PRDM2: variants seen among roughly 807,000 people sequenced by gnomAD.
The protein encoded by PRDM2 is PR domain zinc finger protein 2.
A neutral mutation model predicts 130.0 loss-of-function variants in PRDM2; 30 were observed. That is an observed-to-expected ratio of 0.23 (90% CI 0.17 to 0.31). PRDM2 has a LOEUF of 0.31. Among genes scored for constraint, PRDM2 ranks in the 10% least tolerant of loss-of-function variants. The probability of loss-of-function intolerance (pLI) is 1.00; values close to 1 mark genes in which losing one functional copy is unlikely to be tolerated. For synonymous variants in PRDM2, 871 were observed against 782.4 expected, an observed-to-expected ratio of 1.11 and a Z score of -1.89; for missense variants, 2,011 against 2,108.4, an observed-to-expected ratio of 0.95 and a Z score of 0.90.
At chr1:13,748,022 G>T (rs1332120208) in intron 5 of PRDM2, among the ~76,000 whole-genome samples, 4 of 152,122 alleles carry the variant, frequency 2.6e-5, no homozygotes, top group African/African-American at 9.7e-5. Context: ...TTTCAGTTTT[G>T]AGAACTGGTT....
intron 8 of PRDM2, among the ~76,000 whole-genome samples, chr1:13,797,615 G>A (rs2281169): frequency 0.36 from 54,661 of 152,088 alleles, 10,233 homozygotes; most frequent in East Asian, 0.58. Flanking sequence ...TTTGGTTTGC[G>A]TTGTTAATTA....
chr1:13,778,323 T>C (rs11579363), intron 7 of PRDM2, 95 bp from the exon 8 acceptor site: 43,816 of 1,244,494 alleles, frequency 0.035, 979 homozygotes, highest in Middle Eastern at 0.12. Context: ...ATGTTTTAGG[T>C]GGTAAGAGAA....
chr1:13,802,988 A>G (rs1186575450), intron 8 of PRDM2, among the ~76,000 whole-genome samples: 4 of 152,156 alleles, frequency 2.6e-5, no homozygotes, highest in Admixed American at 2.6e-4. Context: ...CCGCTCCTCC[A>G]CCCTGCTGGG....
In PRDM2 at chr1:13,792,791, C is replaced by T. The variant is rs867376891; in HGVS notation, c.5036+9960C>T. On this transcript the variant is annotated intron_variant, in intron 8 of 9. Transcript: ENST00000311066. ...CCTGGAGTGTCACTGGCCTTTCCAG[C>T]GCGTGGGGCACCTTTCTGAGTGCTT... 4.6e-5 allele frequency among the ~76,000 whole-genome samples: 7 copies of T among 152,312 alleles called. No individual in the cohort carries two copies. In the East Asian group the frequency reaches 5.8e-4, roughly 13 times the overall value.
At chr1:13,749,330 G>A (rs747544897) in intron 5 of PRDM2, 31 bp from the exon 6 acceptor site, 34 of 1,436,032 alleles carry the variant, frequency 2.4e-5, no homozygotes, top group African/African-American at 3.0e-5. Context: ...CGCTCTGATT[G>A]GCCCGGCGCT....
At chr1:13,801,632 T>C (rs1255281745) in intron 8 of PRDM2, among the ~76,000 whole-genome samples, 1 of 152,224 alleles carries the variant, frequency 6.6e-6, no homozygotes, top group African/African-American at 2.4e-5. Context: ...CCTAAAGTTC[T>C]TGGGAAGATT....
intron 4 of PRDM2, among the ~76,000 whole-genome samples, chr1:13,741,772 G>GTGTGTGTGTGTGTGTGTGT (rs1174611946): frequency 6.7e-6 from 1 of 149,148 alleles, no homozygotes; most frequent in African/African-American, 2.5e-5. Flanking sequence ...GTGTAGGGGT[G>GTGTGTGTGTGTGTGTGTGT]GGGGGCGCGG....
At chr1:13,768,134 G>C (rs887609107) in intron 6 of PRDM2, among the ~76,000 whole-genome samples, 1 of 148,650 alleles carries the variant, frequency 6.7e-6, no homozygotes, top group Non-Finnish European at 1.5e-5. Flanking sequence ...CTGGAGTCCG[G>C]TGGCGTGATC....
At chr1:13,811,512 T>A (rs186786398) in intron 8 of PRDM2, among the ~76,000 whole-genome samples, 2 of 152,254 alleles carry the variant, frequency 1.3e-5, no homozygotes, top group Non-Finnish European at 2.9e-5. Flanking sequence ...GGAGGGTGTG[T>A]GGTCCTGAGA....
intron 8 of PRDM2, among the ~76,000 whole-genome samples, chr1:13,800,018 G>A (rs887419723): frequency 6.6e-6 from 1 of 152,204 alleles, no homozygotes; most frequent in Non-Finnish European, 1.5e-5. Context: ...AACAGATGAT[G>A]TAATGTGGGT....
intron 4 of PRDM2, among the ~76,000 whole-genome samples, chr1:13,735,169 G>GAGCC (rs1181386567): frequency 1.3e-5 from 2 of 152,204 alleles, no homozygotes; most frequent in Non-Finnish European, 2.9e-5. Context: ...TGCTCTCCTT[G>GAGCC]AGCCCTTGAT....
chr1:13,782,530 A>T lies in PRDM2; in HGVS notation c.4735A>T (p.Ile1579Leu). 1 of 1,614,192 alleles carries T rather than the reference A, an allele frequency of 6.2e-7. No homozygotes were observed. Among genetic ancestry groups the T allele is most frequent in the Non-Finnish European group, 8.5e-7 (1 of 1,180,038 alleles). The change falls in exon 8 of 10, where the codon ATA becomes TTA. Residue 1579 changes from isoleucine (I) to leucine (L), a missense_variant. Ile to Leu is a conservative substitution (Grantham distance 5). Around this residue, in one of 5 missense-constraint regions of PRDM2, gnomAD observed 410 missense variants for 395.9 expected, o/e 1.04. Transcript: ENST00000311066. The part of the protein sequence containing the change: ...SSSSLRNSSP[I>L]RMAKITHVEG... ...CTCCTCTTTAAGGAACTCCAGCCCGATAAGAATGGCCAAAATAACTCATGT... is the reference window on the plus strand; with the variant it reads ...CTCCTCTTTAAGGAACTCCAGCCCGTTAAGAATGGCCAAAATAACTCATGT...
intron 9 of PRDM2, among the ~76,000 whole-genome samples, chr1:13,822,216 A>G (rs988838217): frequency 1.1e-4 from 17 of 152,100 alleles, no homozygotes; most frequent in Non-Finnish European, 1.9e-4. Context: ...TGTGTTATCT[A>G]TGGACATCCT....
chr1:13,747,953 CATT>C (rs1361661873), intron 5 of PRDM2, among the ~76,000 whole-genome samples: 1 of 152,138 alleles, frequency 6.6e-6, no homozygotes, highest in Admixed American at 6.5e-5. Flanking sequence ...AACGTTTCCA[CATT>C]CAGTTGTTAT....
intron 3 of PRDM2, among the ~76,000 whole-genome samples, chr1:13,731,464 G>C (rs1643109037): frequency 6.6e-6 from 1 of 152,176 alleles, no homozygotes; most frequent in Non-Finnish European, 1.5e-5. Context: ...TGAGGAGCAT[G>C]ATTGTACCAT....
chr1:13,728,629 C>T (rs1054314618), intron 2 of PRDM2, among the ~76,000 whole-genome samples: 11 of 150,790 alleles, frequency 7.3e-5, no homozygotes, highest in Admixed American at 6.0e-4. Context: ...AAAAAGCTTT[C>T]CTCTGCTGGG....
intron 8 of PRDM2, among the ~76,000 whole-genome samples, chr1:13,804,231 G>A (rs1385054595): frequency 1.3e-5 from 2 of 152,060 alleles, no homozygotes; most frequent in East Asian, 1.9e-4. Flanking sequence ...TGTCCCCACC[G>A]GCTGTACTCA....
intron 1 of PRDM2, among the ~76,000 whole-genome samples, chr1:13,709,173 A>G (rs926511765): frequency 6.7e-6 from 1 of 149,958 alleles, no homozygotes; most frequent in African/African-American, 2.5e-5. Flanking sequence ...TACCCAAAGT[A>G]TTTTTATTGC....
At chr1:13,769,562 G>A (rs1233189150) in intron 6 of PRDM2, among the ~76,000 whole-genome samples, 1 of 152,112 alleles carries the variant, frequency 6.6e-6, no homozygotes, top group Non-Finnish European at 1.5e-5. Flanking sequence ...CTAGTCCAAG[G>A]CCCTCACGAT....
Sources: gnomAD v4.1 joint callset for allele counts (sites outside exome capture counted in the v4.1 genomes callset) on GRCh38, gnomAD v4.1.1 for gene constraint, gnomAD v4.1.1 regional missense constraint, MANE v1.5 for transcripts, NCBI Gene and HGNC (gene_info 2026-07-23, HGNC 2026-07-21) for gene names.